ADGRL2: variants seen among roughly 807,000 people sequenced by gnomAD.
ADGRL2 encodes the protein adhesion G protein-coupled receptor L2.
A neutral mutation model predicts 157.4 loss-of-function variants in ADGRL2; 44 were observed. That is an observed-to-expected ratio of 0.28 (90% confidence interval 0.22 to 0.36). The LOEUF (loss-of-function observed/expected upper bound fraction) is 0.36, where lower values mean the gene tolerates loss of function less well. ADGRL2 is among the 10% of genes least tolerant of loss of function. The pLI, the probability that ADGRL2 is intolerant of heterozygous loss-of-function variation, is 1.00. For missense variants in ADGRL2, 1,510 were observed against 1,768.9 expected, an observed-to-expected ratio of 0.85 and a Z score of 2.63; for synonymous variants, 585 against 624.7, an observed-to-expected ratio of 0.94 and a Z score of 0.95.
chr1:81,486,444 A>G (rs1291012360), intron 2 of ADGRL2, among the ~76,000 whole-genome samples: 1 of 152,158 alleles, frequency 6.6e-6, no homozygotes, highest in Admixed American at 6.5e-5. Flanking sequence ...TCTTTGTACT[A>G]ACTACTTTGG....
At chr1:81,322,078 G>A (rs187685062) in intron 1 of ADGRL2, among the ~76,000 whole-genome samples, 115 of 93,594 alleles carry the variant, frequency 1.2e-3, no homozygotes, top group East Asian at 8.7e-4. Context: ...TAAATGTACA[G>A]GACTAATTCA....
chr1:81,418,166 A>T (rs758519042), intron 1 of ADGRL2, among the ~76,000 whole-genome samples: 2 of 152,122 alleles, frequency 1.3e-5, no homozygotes, highest in Non-Finnish European at 2.9e-5. Context: ...GGAATGAACC[A>T]GAATATCTGC....
chr1:81,929,936 G>A (rs2095191717), intron 3 of ADGRL2, among the ~76,000 whole-genome samples: 1 of 152,076 alleles, frequency 6.6e-6, no homozygotes, highest in Non-Finnish European at 1.5e-5. Context: ...AAGATACTAC[G>A]TTTTACAGAT....
chr1:81,533,310 C>T (rs181522229), intron 2 of ADGRL2, among the ~76,000 whole-genome samples: 7 of 152,164 alleles, frequency 4.6e-5, no homozygotes, highest in East Asian at 1.9e-4. Context: ...ACCCATGAGG[C>T]GGAGGTTGCG....
intron 1 of ADGRL2, among the ~76,000 whole-genome samples, chr1:81,317,449 C>T (rs2100592767): frequency 6.6e-6 from 1 of 152,300 alleles, no homozygotes; most frequent in East Asian, 1.9e-4. Context: ...GTTACCATCC[C>T]ACTGTATCCC....
chr1:81,785,107 A>G (rs1412662663), intron 2 of ADGRL2, among the ~76,000 whole-genome samples: 9 of 152,178 alleles, frequency 5.9e-5, no homozygotes, highest in African/African-American at 2.2e-4. Context: ...CAGGTTGTAC[A>G]GGGAATTATT....
chr1:81,842,353 C>CTTTTTTTTTT (rs71085377), intron 2 of ADGRL2, among the ~76,000 whole-genome samples: 2 of 54,952 alleles, frequency 3.6e-5, no homozygotes, highest in Non-Finnish European at 6.1e-5. Context: ...TCTTTTAGCG[C>CTTTTTTTTTT]TTTTTTTTTT....
chr1:81,963,417 A>G (rs1221169419), intron 11 of ADGRL2, among the ~76,000 whole-genome samples: 6 of 151,946 alleles, frequency 3.9e-5, no homozygotes, highest in Admixed American at 3.9e-4. Context: ...TAGGTCTTCT[A>G]GTACAATGCT....
intron 2 of ADGRL2, among the ~76,000 whole-genome samples, chr1:81,447,527 T>C (rs779561688): frequency 3.9e-5 from 6 of 152,190 alleles, no homozygotes; most frequent in African/African-American, 9.6e-5. Context: ...TAAAAATACA[T>C]GGCAGGGATT....
At chr1:81,708,464 G>A (rs375267322) in intron 1 of ADGRL2, among the ~76,000 whole-genome samples, 58 of 152,214 alleles carry the variant, frequency 3.8e-4, no homozygotes, top group African/African-American at 1.4e-3. Flanking sequence ...GAATGAGGAA[G>A]TGGGAATGCT....
At chr1:81,840,481 C>T (rs1284592808) in intron 2 of ADGRL2, among the ~76,000 whole-genome samples, 1 of 152,058 alleles carries the variant, frequency 6.6e-6, no homozygotes, top group Admixed American at 6.6e-5. Context: ...ACTCTGTGTT[C>T]AGGCAAACAT....
At chr1:81,957,361 C>T (rs1311053660) in intron 11 of ADGRL2, among the ~76,000 whole-genome samples, 1 of 152,046 alleles carries the variant, frequency 6.6e-6, no homozygotes, top group African/African-American at 2.4e-5. Context: ...ATTAAATGTC[C>T]AGGAATACAT....
chr1:81,665,289 G>A (rs1329663556), intron 3 of ADGRL2, among the ~76,000 whole-genome samples: 1 of 152,128 alleles, frequency 6.6e-6, no homozygotes, highest in Non-Finnish European at 1.5e-5. Context: ...AAATCACAGA[G>A]GAAGTGTCCT....
rs577440534 is a variant in ADGRL2 at position 81,658,873 on chromosome 1, TC to T, written c.-143+77895del. Among the ~76,000 whole-genome samples the T allele has an allele frequency of 2.9e-3, 441 of 151,934 alleles. 1 individual carries two copies. The highest frequency in any genetic ancestry group is 0.01 in the African/African-American group (418 of 41,422). On this transcript the variant is annotated intron_variant, in intron 3 of 24. Transcript: ENST00000370721. ...TTGATGTGATTCTCCTGCCTCAGCCTCCTGAGTAGCTGGGATTACAGGCGCC... is the reference window on the plus strand; with the variant it reads ...TTGATGTGATTCTCCTGCCTCAGCCTCTGAGTAGCTGGGATTACAGGCGCC...
intron 1 of ADGRL2, among the ~76,000 whole-genome samples, chr1:81,726,266 T>C (rs1370521763): frequency 2.0e-5 from 3 of 152,136 alleles, no homozygotes; most frequent in Non-Finnish European, 4.4e-5. Flanking sequence ...CCTACCTGAA[T>C]TGGGTCATAC....
chr1:81,774,739 T>C (rs377430388), intron 2 of ADGRL2, among the ~76,000 whole-genome samples: 1 of 152,226 alleles, frequency 6.6e-6, no homozygotes, highest in East Asian at 1.9e-4. Context: ...TTTTTTGAAG[T>C]AAAACAGTGA....
intron 1 of ADGRL2, among the ~76,000 whole-genome samples, chr1:81,314,339 A>G (rs767489392): frequency 3.9e-5 from 6 of 152,208 alleles, no homozygotes; most frequent in Non-Finnish European, 8.8e-5. Flanking sequence ...GACAAAGTAT[A>G]ATTTGAGAAG....
chr1:81,618,721 T>C (rs1351345744), intron 3 of ADGRL2, among the ~76,000 whole-genome samples: 1 of 152,256 alleles, frequency 6.6e-6, no homozygotes, highest in African/African-American at 2.4e-5. Context: ...TGTTCTACAC[T>C]ATCTGCAGAA....
At chr1:81,944,027 G>GAACT (rs1281797757) in intron 6 of ADGRL2, among the ~76,000 whole-genome samples, 1 of 151,904 alleles carries the variant, frequency 6.6e-6, no homozygotes, top group Non-Finnish European at 1.5e-5. Context: ...ATACTAACCA[G>GAACT]AAACCTGTTA....
Sources: gnomAD v4.1 joint callset for allele counts (sites outside exome capture counted in the v4.1 genomes callset) on GRCh38, gnomAD v4.1.1 for gene constraint, MANE v1.5 for transcripts, NCBI Gene and HGNC (gene_info 2026-07-23, HGNC 2026-07-21) for gene names.